Variants in TTF1 observed in about 807,000 individuals in gnomAD.
TTF1 encodes the protein transcription termination factor, RNA polymerase I.
Under a neutral mutation model 80.2 loss-of-function variants are expected in TTF1, and 64 were observed. The ratio of observed to expected loss-of-function variants is 0.80; its 90% confidence interval spans 0.65 to 0.98. The LOEUF is 0.98. Ranked by LOEUF, TTF1 falls within the 50% of genes least tolerant of loss-of-function variation. TTF1 has a pLI of 0.00. For synonymous variants in TTF1, 372 were observed against 382.7 expected, an observed-to-expected ratio of 0.97 and a Z score of 0.33; for missense variants, 1,023 against 1,086.2, an observed-to-expected ratio of 0.94 and a Z score of 0.82.
intron 1 of TTF1, among the ~76,000 whole-genome samples, chr9:132,403,411 C>T (rs761606973): frequency 2.0e-5 from 3 of 152,174 alleles, no homozygotes; most frequent in Non-Finnish European, 2.9e-5. Flanking sequence ...GTCTTTCCAA[C>T]TCTGCGTTTA....
chr9:132,382,937 G>A (rs1278034848), intron 9 of TTF1, among the ~76,000 whole-genome samples: 3 of 151,936 alleles, frequency 2.0e-5, no homozygotes, highest in African/African-American at 7.3e-5. Flanking sequence ...ATGGTGGCAG[G>A]TACCTGTAAT....
At chr9:132,400,281 T>C in intron 2 of TTF1, 23 bp from the exon 3 acceptor site, 1 of 1,598,092 alleles carries the variant, frequency 6.3e-7, no homozygotes, top group Non-Finnish European at 8.6e-7. Context: ...AAAATTGGGT[T>C]GACTAACATT....
At chr9:132,404,293 A>C (rs1589829465) in intron 1 of TTF1, among the ~76,000 whole-genome samples, 1 of 152,164 alleles carries the variant, frequency 6.6e-6, no homozygotes, top group East Asian at 1.9e-4. Context: ...TACAGAAGCT[A>C]CCTAATTTAT....
chr9:132,389,153 C>A (rs1849518253), intron 7 of TTF1, among the ~76,000 whole-genome samples: 1 of 151,504 alleles, frequency 6.6e-6, no homozygotes, highest in Admixed American at 6.6e-5. Flanking sequence ...GTATGTCATC[C>A]TCCACTTGAG....
intron 9 of TTF1, among the ~76,000 whole-genome samples, chr9:132,385,637 T>G (rs942842476): frequency 1.3e-5 from 2 of 152,178 alleles, no homozygotes; most frequent in African/African-American, 4.8e-5. Context: ...CGCTTCTGCT[T>G]CCATAGTCTT....
intron 1 of TTF1, among the ~76,000 whole-genome samples, chr9:132,405,566 T>C (rs1384578810): frequency 6.6e-6 from 1 of 152,228 alleles, no homozygotes; most frequent in Non-Finnish European, 1.5e-5. Context: ...TTTTTGTAAA[T>C]ACTTCCTAGG....
chr9:132,378,910 A>G, intron 10 of TTF1, 149 bp downstream of exon 10: 1 of 571,672 alleles, frequency 1.7e-6, no homozygotes, highest in African/African-American at 1.9e-5. Context: ...AAGTCCTGTC[A>G]GATAGGGATT....
intron 10 of TTF1, among the ~76,000 whole-genome samples, chr9:132,378,036 T>C (rs1849264021): frequency 2.1e-5 from 2 of 93,658 alleles, no homozygotes; most frequent in African/African-American, 8.5e-5. Context: ...GTGCATGTGG[T>C]GTGTGTGTGA....
chr9:132,391,032 A>C (rs1849550433), intron 6 of TTF1, among the ~76,000 whole-genome samples: 1 of 152,236 alleles, frequency 6.6e-6, no homozygotes, highest in Admixed American at 6.5e-5. Context: ...CTAAAGCCTG[A>C]AATTATTCAA....
chr9:132,380,042 G>T (rs1190147776), intron 9 of TTF1, among the ~76,000 whole-genome samples: 1 of 152,102 alleles, frequency 6.6e-6, no homozygotes, highest in Admixed American at 6.6e-5. Context: ...GTATGTGCCA[G>T]GTACCAGACA....
chr9:132,377,604 GTGTGAA>G (rs1327404024), intron 10 of TTF1, among the ~76,000 whole-genome samples: 2 of 134,712 alleles, frequency 1.5e-5, no homozygotes, highest in Admixed American at 7.3e-5. Context: ...TGTGGTGTGT[GTGTGAA>G]TGCATGTGGT....
Position 132,388,132 on chromosome 9 carries a change from T to C in TTF1, c.2312+7A>G. ...AGTTAAGAGGCATCCGTTTCTATTT[T>C]TCATACCTTTCAATAAGGCTGACCT... On this transcript the variant is annotated splice_region_variant and intron_variant, in intron 8 of 10. Transcript: ENST00000334270. The C allele has an allele frequency of 2.5e-6, 4 of 1,607,228 alleles. No individual in the cohort carries two copies. The highest frequency in any genetic ancestry group is 3.4e-6 in the Non-Finnish European group (4 of 1,175,208).
Position 132,398,123 on chromosome 9 carries a change from G to A in TTF1, c.1777+18C>T. ...GGAAGGCTGTGGATGGTCAAAGGGT[G>A]ATTGTTTCTAAACTTACCAATGTGT... is the stretch of plus-strand genomic sequence containing the variant. On this transcript the variant is annotated intron_variant, in intron 4 of 10. Transcript: ENST00000334270. 6.4e-7 allele frequency: 1 copy of A among 1,556,920 alleles called. No homozygotes were observed. The highest frequency in any genetic ancestry group is 1.4e-5 in the African/African-American group (1 of 72,216).
At chr9:132,403,464 CT>C (rs1849806048) in intron 1 of TTF1, among the ~76,000 whole-genome samples, 2 of 152,048 alleles carry the variant, frequency 1.3e-5, no homozygotes, top group South Asian at 4.1e-4. Flanking sequence ...GTGCCATAAC[CT>C]TTCCCCCCCA....
At chr9:132,406,171 G>A (rs1849862444) in intron 1 of TTF1, among the ~76,000 whole-genome samples, 2 of 152,064 alleles carry the variant, frequency 1.3e-5, no homozygotes, top group Admixed American at 1.3e-4. Flanking sequence ...CTGCAGGTAC[G>A]TGCCCAAACC....
At chr9:132,401,383 T>C in intron 2 of TTF1, 72 bp downstream of exon 2, 9 of 1,362,662 alleles carry the variant, frequency 6.6e-6, no homozygotes, top group Non-Finnish European at 8.7e-6. Context: ...AAGTCTGTGC[T>C]AAATAAAGAG....
At position 132,398,125 on chromosome 9, in the gene TTF1, T is replaced by C; in HGVS notation, c.1777+16A>G. The C allele has an allele frequency of 6.4e-7, 1 of 1,559,260 alleles. No individual in the cohort carries two copies. The highest frequency in any genetic ancestry group is 8.6e-7 in the Non-Finnish European group (1 of 1,158,602). On this transcript the variant is annotated intron_variant, in intron 4 of 10. Transcript: ENST00000334270. ...AAGGCTGTGGATGGTCAAAGGGTGA[T>C]TGTTTCTAAACTTACCAATGTGTAA...
chr9:132,393,113 T>C (rs2131638297), intron 5 of TTF1, among the ~76,000 whole-genome samples: 1 of 152,338 alleles, frequency 6.6e-6, no homozygotes, highest in African/African-American at 2.4e-5. Flanking sequence ...TCTTGTCGGT[T>C]TCGTATACTA....
intron 1 of TTF1, among the ~76,000 whole-genome samples, chr9:132,403,148 C>A (rs1204434377): frequency 1.3e-5 from 2 of 152,180 alleles, no homozygotes; most frequent in Admixed American, 1.3e-4. Context: ...CGTCAGCCAC[C>A]GTGCCTGGCC....
Sources: allele counts gnomAD v4.1 joint callset (sites outside exome capture counted in the v4.1 genomes callset), GRCh38; gene constraint gnomAD v4.1.1; transcripts MANE v1.5; gene names NCBI Gene and HGNC (gene_info 2026-07-23, HGNC 2026-07-21).